AGBL4: variants seen among roughly 807,000 people sequenced by gnomAD.
AGBL4 encodes cytosolic carboxypeptidase 6.
A neutral mutation model predicts 66.4 loss-of-function variants in AGBL4; 58 were observed. The ratio of observed to expected loss-of-function variants is 0.87; its 90% CI spans 0.71 to 1.09. The LOEUF (loss-of-function observed/expected upper bound fraction) is 1.09. Ranked by LOEUF, AGBL4 falls within the 50% of genes least tolerant of loss-of-function variation. The pLI is 0.00. For synonymous variants in AGBL4, 234 were observed against 222.9 expected (o/e 1.05, Z -0.44); for missense variants, 579 against 631.0 (o/e 0.92, Z 0.88).
chr1:49,081,890 C>T (rs1644815391), intron 4 of AGBL4, among the ~76,000 whole-genome samples: 1 of 152,072 alleles, frequency 6.6e-6, no homozygotes, highest in Non-Finnish European at 1.5e-5. Flanking sequence ...GAGTAATGAC[C>T]TTTTCCACGT....
chr1:49,246,596 A>T (rs1473141096), intron 3 of AGBL4, among the ~76,000 whole-genome samples: 1 of 151,874 alleles, frequency 6.6e-6, no homozygotes, highest in Non-Finnish European at 1.5e-5. Context: ...AAAATGAGTG[A>T]TTATGACATT....
intron 5 of AGBL4, among the ~76,000 whole-genome samples, chr1:49,024,385 T>C (rs1054736524): frequency 3.0e-4 from 45 of 152,182 alleles, no homozygotes; most frequent in African/African-American, 1.1e-3. Context: ...CCCTGTAAGA[T>C]AGAGTTCAAA....
At chr1:48,801,853 T>G (rs1171757402) in intron 6 of AGBL4, among the ~76,000 whole-genome samples, 2 of 152,110 alleles carry the variant, frequency 1.3e-5, no homozygotes, top group East Asian at 3.9e-4. Context: ...GAGCTGCACG[T>G]TTGTTAGTCC....
chr1:49,702,857 T>A (rs1463176250), intron 2 of AGBL4, among the ~76,000 whole-genome samples: 1 of 152,022 alleles, frequency 6.6e-6, no homozygotes, highest in Non-Finnish European at 1.5e-5. Flanking sequence ...AAGGATCATC[T>A]AATAGATGCA....
At chr1:49,501,673 T>A (rs1648170047) in intron 3 of AGBL4, among the ~76,000 whole-genome samples, 1 of 152,006 alleles carries the variant, frequency 6.6e-6, no homozygotes, top group South Asian at 2.1e-4. Context: ...ATTTCCTTCC[T>A]TTTCTAGTTC....
intron 1 of AGBL4, among the ~76,000 whole-genome samples, chr1:49,954,668 A>C (rs1306930036): frequency 6.6e-6 from 1 of 151,992 alleles, no homozygotes; most frequent in East Asian, 1.9e-4. Context: ...AGTTCTGACC[A>C]GTTAGGCATA....
At chr1:48,819,764 C>T (rs929507359) in intron 6 of AGBL4, among the ~76,000 whole-genome samples, 10 of 152,136 alleles carry the variant, frequency 6.6e-5, no homozygotes, top group Non-Finnish European at 1.2e-4. Flanking sequence ...AGGCTTTAGC[C>T]CATCCACCAA....
chr1:49,653,172 G>A (rs781672712), intron 3 of AGBL4, among the ~76,000 whole-genome samples: 6 of 152,028 alleles, frequency 3.9e-5, no homozygotes, highest in Non-Finnish European at 5.9e-5. Flanking sequence ...GGGGCAGGAG[G>A]GACCCAAGTG....
intron 3 of AGBL4, among the ~76,000 whole-genome samples, chr1:49,551,789 T>C (rs528756266): frequency 4.4e-4 from 67 of 152,314 alleles, no homozygotes; most frequent in African/African-American, 1.6e-3. Context: ...CGGTAGGTAG[T>C]GCTGTCCAGA....
At chr1:48,656,096 A>AGCTGGAAAAAAGCAGGATGACAGGAAG (rs1646015858) in intron 7 of AGBL4, among the ~76,000 whole-genome samples, 1 of 152,200 alleles carries the variant, frequency 6.6e-6, no homozygotes, top group Admixed American at 6.5e-5. Context: ...TTAACCAGGA[A>AGCTGGAAAAAAGCAGGATGACAGGAAG]GCTGGAAAAA....
At chr1:49,795,730 A>C (rs984286619) in intron 2 of AGBL4, among the ~76,000 whole-genome samples, 1 of 152,000 alleles carries the variant, frequency 6.6e-6, no homozygotes, top group Non-Finnish European at 1.5e-5. Flanking sequence ...TTCAATAAAT[A>C]ATTGATAAAA....
In AGBL4 at chr1:48,982,219, A is replaced by T. The variant is rs80035940; in HGVS notation, c.594+63365T>A. On this transcript the variant is annotated intron_variant, in intron 5 of 13. Coordinates refer to ENST00000371839, the MANE Select transcript of AGBL4 (RefSeq NM_032785.4). ...AACTAAGGAATTTTCTTTTTTATTT[A>T]AGTTTTAGGGTACGTGTGCACAACG... 6.7e-3 allele frequency among the ~76,000 whole-genome samples: 1,024 copies of T among 152,244 alleles called. 22 individuals carry two copies. The highest frequency in any genetic ancestry group is 0.023 in the African/African-American group (945 of 41,550).
At chr1:49,617,837 C>T (rs902788494) in intron 3 of AGBL4, among the ~76,000 whole-genome samples, 5 of 152,160 alleles carry the variant, frequency 3.3e-5, no homozygotes, top group Admixed American at 6.5e-5. Context: ...ACCAAGGTTT[C>T]GGTTTTGTTT....
rs559813793 is a variant in AGBL4 at position 48,847,385 on chromosome 1, A to C, written c.634+19806T>G. On this transcript the variant is annotated intron_variant, in intron 6 of 13. Transcript: ENST00000371839. ...AACCAAGGTCAAAGAAGGCACTTTC[A>C]TAAAGAAATGAGGCAAAAAAAAAAA... is the stretch of plus-strand genomic sequence containing the variant. Among the ~76,000 whole-genome samples the C allele has an allele frequency of 4.1e-5, 6 of 145,346 alleles. No homozygotes were observed. The South Asian group carries it at 1.3e-3, about 32-fold the overall frequency.
intron 5 of AGBL4, among the ~76,000 whole-genome samples, chr1:48,896,733 C>T (rs575892629): frequency 1.3e-5 from 2 of 152,104 alleles, no homozygotes; most frequent in South Asian, 4.2e-4. Context: ...TCTGAGATAC[C>T]TCTGCCTAGT....
At chr1:48,991,472 A>ATGC (rs1660602323) in intron 5 of AGBL4, among the ~76,000 whole-genome samples, 1 of 152,164 alleles carries the variant, frequency 6.6e-6, no homozygotes. Context: ...TTGGTTAAAT[A>ATGC]TGCTAGGTGT....
chr1:49,461,985 A>C (rs928551717), intron 3 of AGBL4, among the ~76,000 whole-genome samples: 7 of 151,854 alleles, frequency 4.6e-5, no homozygotes, highest in African/African-American at 1.7e-4. Flanking sequence ...GTATATACCC[A>C]GTAATGGGAT....
chr1:48,707,354 G>C (rs1033801935), intron 6 of AGBL4, among the ~76,000 whole-genome samples: 5 of 152,056 alleles, frequency 3.3e-5, no homozygotes, highest in African/African-American at 1.2e-4. Flanking sequence ...TCTTGGCCTA[G>C]TAAGAAGAAA....
In AGBL4 at chr1:49,243,046, C is replaced by CAT. The variant is rs574636934; in HGVS notation, c.377+2722_377+2723dup. Among the ~76,000 whole-genome samples the CAT allele has an allele frequency of 3.2e-3, 480 of 149,860 alleles. 2 individuals carry two copies. The highest frequency in any genetic ancestry group is 9.4e-3 in the Admixed American group (140 of 14,938). Reference sequence around the variant, plus strand: ...ACATATATATATATACACACACATACATATATATATATACACACACATACA... The same window carrying CAT: ...ACATATATATATATACACACACATACATATATATATATATACACACACATACA... On this transcript the variant is annotated intron_variant, in intron 4 of 13. Coordinates refer to ENST00000371839, the MANE Select transcript of AGBL4 (RefSeq NM_032785.4).
Sources: gnomAD v4.1 joint callset for allele counts (sites outside exome capture counted in the v4.1 genomes callset) on GRCh38, gnomAD v4.1.1 for gene constraint, MANE v1.5 for transcripts, NCBI Gene and HGNC (gene_info 2026-07-23, HGNC 2026-07-21) for gene names.